Variants in STX16 observed in about 807,000 individuals in gnomAD.
The protein encoded by STX16 is syntaxin 16.
STX16 carries 28 observed loss-of-function variants against 42.7 expected under a neutral mutation model. The ratio of observed to expected loss-of-function variants is 0.66; its 90% CI spans 0.49 to 0.90. The LOEUF (loss-of-function observed/expected upper bound fraction) is 0.90, where lower values mean the gene tolerates loss of function less well. Among genes scored for constraint, STX16 ranks in the 40% least tolerant of loss-of-function variants. The pLI, the probability that STX16 is intolerant of heterozygous loss-of-function variation, is 0.00. For synonymous variants in STX16, 156 were observed against 155.2 expected (o/e 1.00, Z -0.04); for missense variants, 361 against 420.9 (o/e 0.86, Z 1.24).
chr20:58,656,079 G>A (rs975890826), intron 1 of STX16, among the ~76,000 whole-genome samples: 1 of 152,194 alleles, frequency 6.6e-6, no homozygotes, highest in Non-Finnish European at 1.5e-5. Context: ...CCTAAGTCCT[G>A]TTCTGCTGCA....
chr20:58,676,255 G>A lies in STX16; in HGVS notation c.942G>A (p.Val314=). 1 of 1,614,202 alleles carries A rather than the reference G, an allele frequency of 6.2e-7. No homozygotes were observed. The highest frequency in any genetic ancestry group is 1.7e-5 in the Admixed American group (1 of 60,026). Residue 314 remains valine, a synonymous_variant, in exon 9 of 9, where the codon GTG becomes GTA. Transcript: ENST00000371141. ...TAATATTATTTGTCATCATCATTGT[G>A]CTCATTGTTGTCCTCGTTGGCGTGA... The part of the protein sequence containing the change: ...VILILFVIII[V]LIVVLVGVKS...
At chr20:58,675,787 G>T (rs1481158603) in intron 8 of STX16, among the ~76,000 whole-genome samples, 1 of 152,226 alleles carries the variant, frequency 6.6e-6, no homozygotes, top group Non-Finnish European at 1.5e-5. Context: ...CCGCGGTGAA[G>T]GAACTGTGCA....
chr20:58,671,884 T>G (rs911544307), intron 7 of STX16, among the ~76,000 whole-genome samples: 2 of 152,138 alleles, frequency 1.3e-5, no homozygotes, highest in African/African-American at 4.8e-5. Flanking sequence ...AAAGGATATA[T>G]ATACATAGCA....
intron 8 of STX16, 120 bp from the exon 9 acceptor site, chr20:58,676,067 C>T (rs2084113572): frequency 5.3e-6 from 4 of 761,246 alleles, no homozygotes; most frequent in Non-Finnish European, 6.8e-6. Flanking sequence ...ATCATGTAGC[C>T]TGTAGCAGAG....
rs2083958430 is a variant in STX16, at chr20:58,671,135, T to C, written c.649-19T>C. ...GAGGGAAAACAATCTATCCAACACATTGTGCACTGTCTTGCTAGGGTTTTA... is the reference window on the plus strand; with the variant it reads ...GAGGGAAAACAATCTATCCAACACACTGTGCACTGTCTTGCTAGGGTTTTA... On this transcript the variant is annotated intron_variant, in intron 6 of 8. Coordinates refer to ENST00000371141, the MANE Select transcript of STX16 (RefSeq NM_001001433.3). 1.2e-6 allele frequency: 2 copies of C among 1,609,012 alleles called. No individual in the cohort carries two copies. Among genetic ancestry groups the C allele is most frequent in the Admixed American group, 3.4e-5 (2 of 59,496 alleles).
rs1380083086 is a variant in STX16, at chr20:58,677,929, G to C, written c.*1638G>C. ...ATGATAAGGTCCTAGAGGGGCCCTGGCATTTCAGGAAGCGGACCTGGTATT... is the reference window on the plus strand; with the variant it reads ...ATGATAAGGTCCTAGAGGGGCCCTGCCATTTCAGGAAGCGGACCTGGTATT... On this transcript the variant is annotated 3_prime_UTR_variant, in exon 9 of 9. Transcript: ENST00000371141. 1 of 152,182 alleles carries C rather than the reference G, an allele frequency of 6.6e-6. No individual in the cohort carries two copies. Among genetic ancestry groups the C allele is most frequent in the African/African-American group, 2.4e-5 (1 of 41,432 alleles). The allele number at this position is 152,182 out of a possible 1,614,324, so 9.4% of individuals were successfully genotyped here.
In STX16 at chr20:58,669,331, G is replaced by A. The variant is rs2083913788; in HGVS notation, c.434G>A (p.Ser145Asn). ...RCQRAVQALP[S>N]RARACSEQEG... ...CAGCGTGCCGTGCAGGCCCTGCCGAGCCGGGCCCGGGCCTGCTCCGAGCAG... is the reference window on the plus strand; with the variant it reads ...CAGCGTGCCGTGCAGGCCCTGCCGAACCGGGCCCGGGCCTGCTCCGAGCAG... Residue 145 changes from serine to asparagine, a missense_variant, in exon 5 of 9, where the codon AGC becomes AAC. Coordinates refer to ENST00000371141, the MANE Select transcript of STX16 (RefSeq NM_001001433.3). 6.2e-7 allele frequency: 1 copy of A among 1,611,892 alleles called. No homozygotes were observed. Among genetic ancestry groups the A allele is most frequent in the African/African-American group, 1.3e-5 (1 of 75,002 alleles).
intron 8 of STX16, 36 bp from the exon 9 acceptor site, chr20:58,676,151 G>A (rs1386911724): frequency 6.3e-7 from 1 of 1,585,078 alleles, no homozygotes; most frequent in East Asian, 2.2e-5. Context: ...GGATTTTGGG[G>A]AAAATGACGG....
rs2083676701 is a variant in STX16, at chr20:58,660,675, C to T, written c.144+1041C>T. Among the ~76,000 whole-genome samples the T allele has an allele frequency of 2.0e-5, 3 of 149,322 alleles. No homozygotes were observed. In the South Asian group the frequency reaches 6.4e-4, roughly 32 times the overall value. On this transcript the variant is annotated intron_variant, in intron 2 of 8. Coordinates refer to ENST00000371141, the MANE Select transcript of STX16 (RefSeq NM_001001433.3). ...CAGACACATGGCGGAGTGGAAAGAC[C>T]CAGATGCAGAGCAGCATGGATAATA... is the stretch of plus-strand genomic sequence containing the variant.
intron 1 of STX16, 112 bp downstream of exon 1, chr20:58,652,250 A>T (rs115623741): frequency 7.0e-7 from 1 of 1,436,140 alleles, no homozygotes; most frequent in Admixed American, 1.9e-5. Context: ...GAATAATAAG[A>T]CTAAGAATAA....
In STX16 at chr20:58,673,501, C is replaced by T. The variant is rs2296525; in HGVS notation, c.793-130C>T. On this transcript the variant is annotated intron_variant, in intron 7 of 8. Transcript: ENST00000371141. ...TGAACTCCAGAGCCCTCCGTGTGTA[C>T]CTGCAGCACACAGGGAAGGAAAACA... 2.4e-3 allele frequency: 1,559 copies of T among 639,226 alleles called. 32 individuals carry two copies. The East Asian group carries it at 0.042, about 17-fold the overall frequency. 39.6% of individuals were successfully genotyped at this position (639,226 alleles called of 1,614,324 possible). A position where few individuals can be genotyped will look rare whatever the true frequency, so the allele number is the denominator to read the frequency against.
chr20:58,662,892 T>C (rs1354414505), intron 2 of STX16, among the ~76,000 whole-genome samples: 1 of 152,236 alleles, frequency 6.6e-6, no homozygotes, highest in East Asian at 1.9e-4. Context: ...GTAAGCATTA[T>C]TTTAAAATTA....
chr20:58,667,185 C>G, intron 2 of STX16: 1 of 455,176 alleles, frequency 2.2e-6, no homozygotes, highest in Non-Finnish European at 4.2e-6. Flanking sequence ...TTGACTTTTT[C>G]ATTACATTTC....
chr20:58,671,422 CTT>C (rs11481330), intron 7 of STX16, 125 bp downstream of exon 7: 1 of 591,946 alleles, frequency 1.7e-6, no homozygotes, highest in Non-Finnish European at 2.8e-6. Context: ...TGCACCTGTC[CTT>C]TATGTGTGTG....
intron 7 of STX16, among the ~76,000 whole-genome samples, chr20:58,672,689 T>C (rs183485578): frequency 9.1e-4 from 139 of 152,342 alleles, no homozygotes; most frequent in African/African-American, 3.2e-3. Flanking sequence ...GGTACTCATG[T>C]GAGCACCCTA....
intron 7 of STX16, among the ~76,000 whole-genome samples, 158 bp downstream of exon 7, chr20:58,671,455 T>G (rs1343863353): frequency 7.7e-6 from 1 of 129,316 alleles, no homozygotes; most frequent in Non-Finnish European, 1.7e-5. Flanking sequence ...TGTGTGTGTG[T>G]GTGTGTGTGT....
intron 3 of STX16, 65 bp from the exon 4 acceptor site, chr20:58,667,922 T>C (rs2083873838): frequency 2.5e-6 from 4 of 1,605,738 alleles, no homozygotes; most frequent in Non-Finnish European, 3.4e-6. Context: ...ATGCTGAGTG[T>C]AGCTGATGGA....
chr20:58,651,916 T>TGG lies in STX16; in HGVS notation c.-89_-88dup. 7.1e-7 allele frequency: 1 copy of TGG among 1,412,572 alleles called. No homozygotes were observed. The highest frequency in any genetic ancestry group is 9.8e-7 in the Non-Finnish European group (1 of 1,017,528). The allele number at this position is 1,412,572 out of a possible 1,614,324, so 87.5% of individuals were successfully genotyped here. On this transcript the variant is annotated 5_prime_UTR_variant, in exon 1 of 9. Coordinates refer to ENST00000371141, the MANE Select transcript of STX16 (RefSeq NM_001001433.3). ...TTGTCGAGAAGCTTCCGTGAAAGGG[T>TGG]GGGCCAGCCGGGCCACGAGAAAGAA...
intron 2 of STX16, among the ~76,000 whole-genome samples, chr20:58,663,326 A>G (rs1340017615): frequency 2.6e-5 from 4 of 152,266 alleles, no homozygotes; most frequent in Non-Finnish European, 5.9e-5. Context: ...TTGGAACAGC[A>G]AGATTTATAA....
Sources: gnomAD v4.1 joint callset for allele counts (sites outside exome capture counted in the v4.1 genomes callset) on GRCh38, gnomAD v4.1.1 for gene constraint, MANE v1.5 for transcripts, NCBI Gene and HGNC (gene_info 2026-07-23, HGNC 2026-07-21) for gene names.